PSTPIP2: variants seen among roughly 807,000 people sequenced by gnomAD.
The protein encoded by PSTPIP2 is proline-serine-threonine phosphatase-interacting protein 2.
In PSTPIP2, 33 loss-of-function variants were observed where a neutral mutation model predicts 63.3. The observed-to-expected ratio is 0.52, with a 90% CI of 0.40 to 0.70. The LOEUF is 0.70. Among genes scored for constraint, PSTPIP2 ranks in the 30% least tolerant of loss-of-function variants. The pLI is 0.00. For synonymous variants in PSTPIP2, 125 were observed against 132.7 expected, an observed-to-expected ratio of 0.94 and a Z score of 0.40; for missense variants, 312 against 400.7, an observed-to-expected ratio of 0.78 and a Z score of 1.89.
At chr18:46,027,331 AAT>A (rs1907613348) in intron 2 of PSTPIP2, among the ~76,000 whole-genome samples, 1 of 149,050 alleles carries the variant, frequency 6.7e-6, no homozygotes, top group African/African-American at 2.5e-5. Flanking sequence ...TAAATAAATA[AAT>A]AAATAAATAA....
intron 1 of PSTPIP2, among the ~76,000 whole-genome samples, chr18:46,046,966 A>C (rs1463691645): frequency 6.6e-6 from 1 of 152,248 alleles, no homozygotes; most frequent in East Asian, 1.9e-4. Flanking sequence ...CCACAAACAC[A>C]GTGAGACAGA....
intron 2 of PSTPIP2, among the ~76,000 whole-genome samples, chr18:46,038,414 C>A (rs1022925507): frequency 6.6e-6 from 1 of 152,116 alleles, no homozygotes; most frequent in Non-Finnish European, 1.5e-5. Context: ...GGGTCCTGAG[C>A]CGACAGACAC....
intron 3 of PSTPIP2, among the ~76,000 whole-genome samples, chr18:46,023,873 C>T (rs952713759): frequency 6.6e-6 from 1 of 151,712 alleles, no homozygotes; most frequent in African/African-American, 2.4e-5. Flanking sequence ...CATATACACA[C>T]ACAGGAAGCT....
chr18:46,024,583 A>C, intron 3 of PSTPIP2, 26 bp downstream of exon 3: 1 of 1,595,558 alleles, frequency 6.3e-7, no homozygotes, highest in Non-Finnish European at 8.6e-7. Flanking sequence ...ACCAACCTGG[A>C]AACCAGAAAA....
chr18:46,036,745 G>A (rs1250241467), intron 2 of PSTPIP2, among the ~76,000 whole-genome samples: 3 of 152,224 alleles, frequency 2.0e-5, no homozygotes, highest in African/African-American at 7.2e-5. Flanking sequence ...ATGTGGCATG[G>A]AGGGGTGCAG....
intron 1 of PSTPIP2, among the ~76,000 whole-genome samples, chr18:46,064,829 A>C (rs1356459783): frequency 2.0e-5 from 3 of 152,088 alleles, no homozygotes; most frequent in Non-Finnish European, 2.9e-5. Flanking sequence ...TACACGAATG[A>C]CATGCACCAC....
In PSTPIP2 at chr18:46,019,493, A is replaced by G. The variant is rs566106994; in HGVS notation, c.213-3556T>C. 2.6e-5 allele frequency among the ~76,000 whole-genome samples: 4 copies of G among 152,210 alleles called. No individual in the cohort carries two copies. The South Asian group carries it at 8.3e-4, about 32-fold the overall frequency. On this transcript the variant is annotated intron_variant, in intron 3 of 14. Coordinates refer to ENST00000409746, the MANE Select transcript of PSTPIP2 (RefSeq NM_024430.4). ...ATGATACAATTTTTCAAGGAGCACA[A>G]TGCATTATAACAGTGTCCATATTGA...
At chr18:46,042,358 T>A (rs2144113543) in intron 1 of PSTPIP2, among the ~76,000 whole-genome samples, 1 of 152,220 alleles carries the variant, frequency 6.6e-6, no homozygotes, top group Admixed American at 6.5e-5. Context: ...CATTATCCTC[T>A]CCTGAATCCA....
intron 1 of PSTPIP2, among the ~76,000 whole-genome samples, chr18:46,043,153 A>G (rs1309951784): frequency 6.9e-6 from 1 of 145,624 alleles, no homozygotes; most frequent in Non-Finnish European, 1.5e-5. Context: ...TGGGAGGCCG[A>G]GGCGGGAGGA....
chr18:46,037,248 G>T (rs1287132250), intron 2 of PSTPIP2, among the ~76,000 whole-genome samples: 1 of 152,126 alleles, frequency 6.6e-6, no homozygotes, highest in African/African-American at 2.4e-5. Flanking sequence ...CGCCTCCCGG[G>T]TTCAAGTAAT....
At position 45,992,155 on chromosome 18, in the gene PSTPIP2, C is replaced by T. The variant is rs2051541902; in HGVS notation, c.789G>A (p.Arg263=). 6.2e-7 allele frequency: 1 copy of T among 1,607,666 alleles called. No individual in the cohort carries two copies. The highest frequency in any genetic ancestry group is 1.1e-5 in the South Asian group (1 of 89,898). ...RKSLEMCSIQ[R]DIEYFVNQRK... is the part of the protein sequence containing the mutation. The stretch of plus-strand genomic sequence containing the variant: ...GTTGATTCACAAAGTATTCAATGTC[C>T]CTCTGAATGCTGCACATTTCTAAAC... Residue 263 remains arginine (R), a synonymous_variant, in exon 11 of 15, where the codon AGG becomes AGA. Transcript: ENST00000409746.
At chr18:46,005,387 G>T in intron 6 of PSTPIP2, 82 bp downstream of exon 6, 3 of 1,119,596 alleles carry the variant, frequency 2.7e-6, no homozygotes, top group South Asian at 1.5e-5. Context: ...AATGTTATTT[G>T]AGTAGGAATA....
intron 1 of PSTPIP2, among the ~76,000 whole-genome samples, chr18:46,042,827 T>A (rs1908239683): frequency 6.6e-6 from 1 of 152,138 alleles, no homozygotes; most frequent in Non-Finnish European, 1.5e-5. Flanking sequence ...TCAGTCAACT[T>A]ACCACCTGTG....
intron 2 of PSTPIP2, among the ~76,000 whole-genome samples, chr18:46,027,750 G>GA (rs933838966): frequency 3.3e-5 from 5 of 151,484 alleles, no homozygotes; most frequent in African/African-American, 1.2e-4. Context: ...TTTCACAGAA[G>GA]AAAAAAAACT....
chr18:46,055,944 C>T (rs766022567), intron 1 of PSTPIP2, among the ~76,000 whole-genome samples: 27 of 152,218 alleles, frequency 1.8e-4, no homozygotes, highest in Non-Finnish European at 3.7e-4. Flanking sequence ...TTCTACTCCA[C>T]GGGAAAACCG....
At chr18:46,005,982 G>T (rs561929938) in intron 5 of PSTPIP2, among the ~76,000 whole-genome samples, 1 of 152,202 alleles carries the variant, frequency 6.6e-6, no homozygotes, top group African/African-American at 2.4e-5. Flanking sequence ...TGACCATCAG[G>T]GTGCCCGGGC....
intron 4 of PSTPIP2, among the ~76,000 whole-genome samples, chr18:46,014,768 A>T (rs2051836517): frequency 6.6e-6 from 1 of 152,198 alleles, no homozygotes; most frequent in Non-Finnish European, 1.5e-5. Flanking sequence ...CTGTAAGATC[A>T]TGAGTTCAGC....
At chr18:46,039,064 G>A (rs1365988756) in intron 2 of PSTPIP2, among the ~76,000 whole-genome samples, 1 of 152,146 alleles carries the variant, frequency 6.6e-6, no homozygotes, top group Non-Finnish European at 1.5e-5. Context: ...TTTGATGTCT[G>A]TATCTCTGGG....
chr18:46,009,359 G>A (rs1335753736), intron 5 of PSTPIP2, among the ~76,000 whole-genome samples: 1 of 84,246 alleles, frequency 1.2e-5, no homozygotes, highest in Non-Finnish European at 2.0e-5. Context: ...AAGTTTTATG[G>A]TGTAAAAAAA....
Sources: allele counts gnomAD v4.1 joint callset (sites outside exome capture counted in the v4.1 genomes callset), GRCh38; gene constraint gnomAD v4.1.1; transcripts MANE v1.5; gene names NCBI Gene and HGNC (gene_info 2026-07-23, HGNC 2026-07-21).